ENTPD4: variants seen among roughly 807,000 people sequenced by gnomAD.
ENTPD4 encodes ectonucleoside triphosphate diphosphohydrolase 4.
In ENTPD4, 60 loss-of-function variants were observed where a neutral mutation model predicts 79.1. The observed-to-expected ratio is 0.76, with a 90% confidence interval of 0.62 to 0.94. The LOEUF is 0.94. Among genes scored for constraint, ENTPD4 ranks in the 40% least tolerant of loss-of-function variants. ENTPD4 has a pLI of 0.00. For synonymous variants in ENTPD4, 276 were observed against 292.0 expected (o/e 0.95, Z 0.56); for missense variants, 772 against 775.1 (o/e 1.00, Z 0.05).
At chr8:23,439,619 T>A in intron 9 of ENTPD4, 130 bp downstream of exon 9, 1 of 815,594 alleles carries the variant, frequency 1.2e-6, no homozygotes, top group Middle Eastern at 2.4e-4. Context: ...GCTCAGCTAG[T>A]GGGGGAATAA....
chr8:23,444,684 T>C, intron 4 of ENTPD4, 78 bp from the exon 5 acceptor site: 1 of 1,316,420 alleles, frequency 7.6e-7, no homozygotes, highest in Non-Finnish European at 1.1e-6. Flanking sequence ...GTGGCTAATT[T>C]TAGGGAAATC....
rs772888843 is a variant in ENTPD4 at position 23,441,721 on chromosome 8, C to A, written c.730G>T (p.Asp244Tyr). Residue 244 changes from aspartate to tyrosine, a missense_variant and splice_region_variant, in exon 8 of 13, where the codon GAT (aspartate) becomes TAT (tyrosine). By Grantham distance (160) the Asp-to-Tyr change is radical. Coordinates refer to ENST00000358689, the MANE Select transcript of ENTPD4 (RefSeq NM_004901.5). ...LGRFEHIEDD[D>Y]EAVVEVNIPG... Reference sequence around the variant, plus strand: ...ATGTTAACTTCCACAACGGCCTCATCATCTAGAAAGAACAGAAAGTGTTCA... The same window carrying A: ...ATGTTAACTTCCACAACGGCCTCATAATCTAGAAAGAACAGAAAGTGTTCA... 6.2e-7 allele frequency: 1 copy of A among 1,613,882 alleles called. No homozygotes were observed. The highest frequency in any genetic ancestry group is 8.5e-7 in the Non-Finnish European group (1 of 1,179,978).
rs1484793421 is a variant in ENTPD4, at chr8:23,431,719, C to G, written c.*1207G>C. The G allele has an allele frequency of 2.0e-6, 2 of 985,344 alleles. No individual in the cohort carries two copies. The highest frequency in any genetic ancestry group is 2.4e-6 in the Non-Finnish European group (2 of 830,034). 61.0% of individuals were successfully genotyped at this position (985,344 alleles called of 1,614,324 possible). On this transcript the variant is annotated 3_prime_UTR_variant, in exon 13 of 13. Transcript: ENST00000358689. ...GGGTGGGGGAAACACCAATTGGAAG[C>G]TGGAAGAAACTGAGGCACGATTAAG... is the stretch of plus-strand genomic sequence containing the variant.
chr8:23,455,551 T>C (rs1006869147), intron 1 of ENTPD4, among the ~76,000 whole-genome samples: 1 of 152,264 alleles, frequency 6.6e-6, no homozygotes. Context: ...ATTTATGATC[T>C]GTATGTTCAA....
In ENTPD4 at chr8:23,456,711, C is replaced by T. The variant is rs539026333; in HGVS notation, c.-98+846G>A. On this transcript the variant is annotated intron_variant, in intron 1 of 12. Coordinates refer to ENST00000358689, the MANE Select transcript of ENTPD4 (RefSeq NM_004901.5). ...ATTAACAAACCTGATACAAAAACAT[C>T]AAATATATGGTAACACAAATAATAT... is the stretch of plus-strand genomic sequence containing the variant. 2.9e-4 allele frequency among the ~76,000 whole-genome samples: 44 copies of T among 152,294 alleles called. 1 individual carries two copies. Among genetic ancestry groups the T allele is most frequent in the African/African-American group, 1.0e-3 (43 of 41,564 alleles).
At chr8:23,450,664 G>T (rs568869217) in intron 1 of ENTPD4, among the ~76,000 whole-genome samples, 1 of 152,284 alleles carries the variant, frequency 6.6e-6, no homozygotes, top group South Asian at 2.1e-4. Flanking sequence ...GTTGTTCTCT[G>T]CCAACCCCGA....
Position 23,450,131 on chromosome 8 carries a change from A to C in ENTPD4, c.-97-134T>G, listed in dbSNP as rs1800833606. 7 of 579,708 alleles carry C rather than the reference A, an allele frequency of 1.2e-5. No individual in the cohort carries two copies. In the South Asian group the frequency reaches 1.5e-4, roughly 12 times the overall value. The allele number at this position is 579,708 out of a possible 1,614,324, so 35.9% of individuals were successfully genotyped here. ...TGCACTGAAGCTGTTGGAAGGGTTT[A>C]TTCTGAGCAACACACTTCTAAGTTA... On this transcript the variant is annotated intron_variant, in intron 1 of 12. Coordinates refer to ENST00000358689, the MANE Select transcript of ENTPD4 (RefSeq NM_004901.5).
intron 4 of ENTPD4, 82 bp downstream of exon 4, chr8:23,447,598 T>C (rs1203048097): frequency 1.8e-6 from 2 of 1,114,048 alleles, no homozygotes; most frequent in Admixed American, 1.7e-5. Flanking sequence ...GGCCATGGTG[T>C]AGAAAGGGAA....
At position 23,432,290 on chromosome 8, in the gene ENTPD4, A is replaced by C. The variant is rs1800468648; in HGVS notation, c.*636T>G. 1 of 985,402 alleles carries C rather than the reference A, an allele frequency of 1.0e-6. No individual in the cohort carries two copies. The allele number at this position is 985,402 out of a possible 1,614,324, so 61.0% of individuals were successfully genotyped here. ...TCACTATTCAGTCCCCTCTCCACTG[A>C]CAGAATGCATCTTTCCACCTCCCTC... On this transcript the variant is annotated 3_prime_UTR_variant, in exon 13 of 13. Transcript: ENST00000358689.
In ENTPD4 at chr8:23,430,775, TC is replaced by T. The variant is rs1264125339; in HGVS notation, c.*2150del. ...CCCACTTCAACCATTTGTGGCCCCT[TC>T]CTTTCCTTTCTTCCCTCTCTGCTGC... On this transcript the variant is annotated 3_prime_UTR_variant, in exon 13 of 13. Coordinates refer to ENST00000358689, the MANE Select transcript of ENTPD4 (RefSeq NM_004901.5). 1 of 985,562 alleles carries T rather than the reference TC, an allele frequency of 1.0e-6. No homozygotes were observed. Among genetic ancestry groups the T allele is most frequent in the African/African-American group, 1.7e-5 (1 of 57,210 alleles). 61.1% of individuals were successfully genotyped at this position (985,562 alleles called of 1,614,324 possible).
At chr8:23,442,850 ACT>A (rs1470608177) in intron 6 of ENTPD4, among the ~76,000 whole-genome samples, 2 of 150,658 alleles carry the variant, frequency 1.3e-5, no homozygotes, top group Non-Finnish European at 3.0e-5. Context: ...AACCTGCTCT[ACT>A]CTCTGCTATT....
rs1457572919 is a variant in ENTPD4 at position 23,434,415 on chromosome 8, G to T, written c.1524C>A (p.Val508=). Residue 508 remains valine, a synonymous_variant, in exon 12 of 13, where the codon GTC becomes GTA. Coordinates refer to ENST00000358689, the MANE Select transcript of ENTPD4 (RefSeq NM_004901.5). ...AGGCAGTCTTTAAGCTTTTATAGTT[G>T]ACAGGAAACGAAAAGCCCCTATGAA... ...EVFHRGFSFP[V]NYKSLKTALQ... The T allele has an allele frequency of 6.2e-7, 1 of 1,614,124 alleles. No individual in the cohort carries two copies. Among genetic ancestry groups the T allele is most frequent in the South Asian group, 1.1e-5 (1 of 91,080 alleles).
intron 1 of ENTPD4, among the ~76,000 whole-genome samples, chr8:23,456,541 C>T (rs896857772): frequency 6.6e-6 from 1 of 152,200 alleles, no homozygotes; most frequent in African/African-American, 2.4e-5. Flanking sequence ...GCCTCAGTCA[C>T]ACATTTCCTA....
chr8:23,449,305 T>C (rs1275770223), intron 2 of ENTPD4, among the ~76,000 whole-genome samples: 5 of 152,186 alleles, frequency 3.3e-5, no homozygotes, highest in African/African-American at 1.2e-4. Flanking sequence ...AGTGTAAGGA[T>C]GATGAGACCA....
intron 5 of ENTPD4, among the ~76,000 whole-genome samples, 191 bp from the exon 6 acceptor site, chr8:23,444,144 GT>G (rs35646971): frequency 0.4 from 61,492 of 151,978 alleles, 14,040 homozygotes; most frequent in African/African-American, 0.62. Flanking sequence ...AAATGAACAA[GT>G]TGTGTGAATT....
intron 4 of ENTPD4, among the ~76,000 whole-genome samples, chr8:23,446,553 G>C (rs1171805563): frequency 6.6e-6 from 1 of 152,176 alleles, no homozygotes; most frequent in African/African-American, 2.4e-5. Flanking sequence ...AATAATGCTG[G>C]TATACAGACA....
Position 23,431,896 on chromosome 8 carries a change from T to A in ENTPD4, c.*1030A>T. 9 of 985,426 alleles carry A rather than the reference T, an allele frequency of 9.1e-6. No homozygotes were observed. Among genetic ancestry groups the A allele is most frequent in the Non-Finnish European group, 1.1e-5 (9 of 829,934 alleles). The allele number at this position is 985,426 out of a possible 1,614,324, so 61.0% of individuals were successfully genotyped here. A position where few individuals can be genotyped will look rare whatever the true frequency, so the allele number is the denominator to read the frequency against. ...GAATAAGGAGCGTAATTACCTGCGG[T>A]CAGGAAAAGATAACAGTAACGAGGA... On this transcript the variant is annotated 3_prime_UTR_variant, in exon 13 of 13. Coordinates refer to ENST00000358689, the MANE Select transcript of ENTPD4 (RefSeq NM_004901.5).
intron 1 of ENTPD4, 138 bp from the exon 2 acceptor site, chr8:23,450,135 T>C (rs1800833778): frequency 1.7e-6 from 1 of 572,032 alleles, no homozygotes; most frequent in Admixed American, 3.0e-5. Context: ...GGGTTTATTC[T>C]GAGCAACACA....
In ENTPD4 at chr8:23,444,504, G is replaced by A; in HGVS notation, c.515C>T (p.Thr172Ile). Residue 172 changes from threonine to isoleucine, a missense_variant, in exon 5 of 13, where the codon ACA becomes ATA. Thr to Ile is a moderately conservative substitution (Grantham distance 89). Transcript: ENST00000358689. ...AGCCGTGCAGAGAATGTAGAGAGGT[G>A]TCTCTTTGTGTTTTGCCCGTGGCAC... ...EHVPRAKHKE[T>I]PLYILCTAGM... 1 of 1,614,160 alleles carries A rather than the reference G, an allele frequency of 6.2e-7. No homozygotes were observed. The highest frequency in any genetic ancestry group is 8.5e-7 in the Non-Finnish European group (1 of 1,180,012).
Sources: allele counts gnomAD v4.1 joint callset (sites outside exome capture counted in the v4.1 genomes callset), GRCh38; gene constraint gnomAD v4.1.1; transcripts MANE v1.5; gene names NCBI Gene and HGNC (gene_info 2026-07-23, HGNC 2026-07-21).